Variants in KLF12 observed in about 807,000 individuals in gnomAD.
KLF12 encodes the protein Krueppel-like factor 12.
In KLF12, 9 loss-of-function variants were observed where a neutral mutation model predicts 37.8. That is an observed-to-expected ratio of 0.24 (90% CI 0.14 to 0.42). The LOEUF (loss-of-function observed/expected upper bound fraction) is 0.42. Among genes scored for constraint, KLF12 ranks in the 10% least tolerant of loss-of-function variants. The pLI is 1.00. For missense variants in KLF12, 411 were observed against 516.0 expected (o/e 0.80, Z 1.97); for synonymous variants, 208 against 202.1 (o/e 1.03, Z -0.25).
chr13:74,153,136 T>TC, the KLF12 span, among the ~76,000 whole-genome samples: 1 of 151,970 alleles, frequency 6.6e-6, no homozygotes, highest in African/African-American at 2.4e-5. Context: ...ATGCTTTTTT[T>TC]CTCCTCCATT....
chr13:73,927,745 A>G (rs942605575), intron 3 of KLF12, among the ~76,000 whole-genome samples: 1 of 136,010 alleles, frequency 7.4e-6, no homozygotes, highest in Non-Finnish European at 1.6e-5. Flanking sequence ...ACCCGGCTAA[A>G]TTTTTTTTTT....
intron 3 of KLF12, among the ~76,000 whole-genome samples, chr13:73,892,751 T>G (rs1887568853): frequency 6.6e-6 from 1 of 152,110 alleles, no homozygotes; most frequent in African/African-American, 2.4e-5. Context: ...TGAAAGACAG[T>G]TTTTGCACAG....
intron 1 of KLF12, among the ~76,000 whole-genome samples, chr13:74,122,123 A>G (rs1395363218): frequency 6.6e-6 from 1 of 152,092 alleles, no homozygotes; most frequent in Non-Finnish European, 1.5e-5. Flanking sequence ...TATTCAAAAG[A>G]TACTTCTTGA....
intron 6 of KLF12, among the ~76,000 whole-genome samples, chr13:73,746,022 A>G (rs1292138755): frequency 6.6e-6 from 1 of 151,852 alleles, no homozygotes; most frequent in Non-Finnish European, 1.5e-5. Context: ...ATGACATTTC[A>G]CAACGGTGTG....
At chr13:74,290,458 T>A in the KLF12 span, among the ~76,000 whole-genome samples, 3 of 152,206 alleles carry the variant, frequency 2.0e-5, no homozygotes, top group African/African-American at 7.2e-5. Context: ...GACTGCCGCA[T>A]ATTACTCACT....
intron 1 of KLF12, among the ~76,000 whole-genome samples, chr13:74,069,660 C>T (rs972479441): frequency 6.6e-6 from 1 of 151,990 alleles, no homozygotes; most frequent in African/African-American, 2.4e-5. Flanking sequence ...AGTATCTTTT[C>T]CAACAGTTTA....
intron 1 of KLF12, among the ~76,000 whole-genome samples, chr13:73,997,381 T>C (rs1892150502): frequency 6.6e-6 from 1 of 152,214 alleles, no homozygotes. Flanking sequence ...ATTGCAGTAA[T>C]GTTTATACAG....
At chr13:74,268,493 G>T in the KLF12 span, among the ~76,000 whole-genome samples, 19 of 152,294 alleles carry the variant, frequency 1.2e-4, no homozygotes, top group Non-Finnish European at 1.6e-4. Context: ...TATGCTGCTG[G>T]TCATGGGATA....
chr13:74,199,720 A>C, the KLF12 span, among the ~76,000 whole-genome samples: 2 of 152,208 alleles, frequency 1.3e-5, no homozygotes. Flanking sequence ...CGTCCTGAAT[A>C]CATGATCAGA....
At chr13:74,265,632 T>C in the KLF12 span, among the ~76,000 whole-genome samples, 1 of 152,240 alleles carries the variant, frequency 6.6e-6, no homozygotes, top group African/African-American at 2.4e-5. Context: ...ATGTATGATG[T>C]TCAGGTGATA....
chr13:73,968,319 C>A (rs1891229697), intron 2 of KLF12, among the ~76,000 whole-genome samples: 1 of 152,070 alleles, frequency 6.6e-6, no homozygotes, highest in Non-Finnish European at 1.5e-5. Flanking sequence ...AGCATAAATA[C>A]CTTATGACAT....
At chr13:73,767,480 A>G (rs1879992577) in intron 5 of KLF12, among the ~76,000 whole-genome samples, 1 of 152,228 alleles carries the variant, frequency 6.6e-6, no homozygotes, top group South Asian at 2.1e-4. Context: ...ATGTGGAAAG[A>G]AAAAACACCA....
At chr13:74,235,379 T>C in the KLF12 span, among the ~76,000 whole-genome samples, 1 of 152,364 alleles carries the variant, frequency 6.6e-6, no homozygotes, top group South Asian at 2.1e-4. Context: ...ATCAGTGCTA[T>C]AATTTATTTT....
chr13:73,881,814 G>C (rs1350227792), intron 3 of KLF12, among the ~76,000 whole-genome samples: 1 of 151,962 alleles, frequency 6.6e-6, no homozygotes, highest in Non-Finnish European at 1.5e-5. Flanking sequence ...TCTAATCCTG[G>C]TCCTAGCACA....
intron 2 of KLF12, among the ~76,000 whole-genome samples, chr13:73,954,329 A>G (rs554163765): frequency 2.6e-5 from 4 of 152,122 alleles, no homozygotes; most frequent in African/African-American, 7.2e-5. Flanking sequence ...TATATTTGTA[A>G]TTTAAATATT....
the KLF12 span, among the ~76,000 whole-genome samples, chr13:74,285,221 TA>T: frequency 6.6e-6 from 1 of 152,148 alleles, no homozygotes; most frequent in Admixed American, 6.5e-5. Context: ...GGCTTCTTGT[TA>T]ATTGCATCTG....
rs1384942838 is a variant in KLF12, at chr13:73,817,329, G to GA, written c.671-4043dup. 1.3e-3 allele frequency among the ~76,000 whole-genome samples: 108 copies of GA among 82,096 alleles called. 1 individual carries two copies. Among genetic ancestry groups the GA allele is most frequent in the Non-Finnish European group, 1.9e-3 (71 of 38,258 alleles). 53.9% of individuals were successfully genotyped at this position (82,096 alleles called of 152,430 possible). On this transcript the variant is annotated intron_variant, in intron 4 of 7. Transcript: ENST00000377669. ...GTGAGATCCTGTTTCAAAAAAAAAAGAAAAGAAAAAAAAGAAAAACAAAAA... is the reference window on the plus strand; with the variant it reads ...GTGAGATCCTGTTTCAAAAAAAAAAGAAAAAGAAAAAAAAGAAAAACAAAAA...
Position 73,689,044 on chromosome 13 carries a change from T to C in KLF12, c.*6446A>G, listed in dbSNP as rs1873666850. On this transcript the variant is annotated 3_prime_UTR_variant, in exon 8 of 8. Coordinates refer to ENST00000377669, the MANE Select transcript of KLF12 (RefSeq NM_007249.5). Reference sequence around the variant, plus strand: ...CGTATCTAAAAATTGCCTAGTCTATTGCTTGGCACACAGTGTTTAATAAAG... The same window carrying C: ...CGTATCTAAAAATTGCCTAGTCTATCGCTTGGCACACAGTGTTTAATAAAG... 1.3e-5 allele frequency: 2 copies of C among 152,148 alleles called. No individual in the cohort carries two copies. Among genetic ancestry groups the C allele is most frequent in the Non-Finnish European group, 2.9e-5 (2 of 68,036 alleles). The allele number at this position is 152,148 out of a possible 1,614,324, so 9.4% of individuals were successfully genotyped here.
chr13:74,167,265 A>G, the KLF12 span, among the ~76,000 whole-genome samples: 1 of 152,202 alleles, frequency 6.6e-6, no homozygotes, highest in Non-Finnish European at 1.5e-5. Context: ...TTCTATGGGG[A>G]GAGGAAAGCG....
Sources: allele counts gnomAD v4.1 joint callset (sites outside exome capture counted in the v4.1 genomes callset), GRCh38; gene constraint gnomAD v4.1.1; transcripts MANE v1.5; gene names NCBI Gene and HGNC (gene_info 2026-07-23, HGNC 2026-07-21).